Variants in PALLD observed in about 807,000 individuals in gnomAD.
PALLD encodes the protein palladin, cytoskeletal associated protein.
In PALLD, 61 loss-of-function variants were observed where a neutral mutation model predicts 123.5. That is an observed-to-expected ratio of 0.49 (90% CI 0.40 to 0.61). The LOEUF is 0.61. Ranked by LOEUF, PALLD falls within the 20% of genes least tolerant of loss-of-function variation. The pLI is 0.00. For synonymous variants in PALLD, 465 were observed against 496.4 expected (o/e 0.94, Z 0.84); for missense variants, 1,273 against 1,377.0 (o/e 0.92, Z 1.20).
chr4:168,695,857 T>G (rs1783081538), intron 8 of PALLD, among the ~76,000 whole-genome samples: 1 of 152,192 alleles, frequency 6.6e-6, no homozygotes, highest in South Asian at 2.1e-4. Context: ...TAGTTATGTC[T>G]TTTGGCTTAG....
chr4:168,582,479 T>C (rs1163067056), intron 2 of PALLD, among the ~76,000 whole-genome samples: 3 of 152,106 alleles, frequency 2.0e-5, no homozygotes, highest in Non-Finnish European at 4.4e-5. Context: ...CTAATTGCTC[T>C]GGCTAGGACC....
At chr4:168,886,692 T>A (rs1753379617) in intron 10 of PALLD, among the ~76,000 whole-genome samples, 1 of 152,188 alleles carries the variant, frequency 6.6e-6, no homozygotes, top group Non-Finnish European at 1.5e-5. Context: ...TGTTAATTGT[T>A]TAGAACCAAG....
chr4:168,500,081 G>A (rs1761237391), intron 1 of PALLD, among the ~76,000 whole-genome samples: 1 of 152,168 alleles, frequency 6.6e-6, no homozygotes, highest in Non-Finnish European at 1.5e-5. Context: ...TTTTTCTGCT[G>A]CAGTTGTGGG....
At chr4:168,808,387 G>A (rs1039086755) in intron 10 of PALLD, among the ~76,000 whole-genome samples, 9 of 152,034 alleles carry the variant, frequency 5.9e-5, no homozygotes, top group Non-Finnish European at 8.8e-5. Flanking sequence ...GGCTGAGGCA[G>A]GAGAATTGCT....
At chr4:168,815,414 G>T (rs560975573) in intron 10 of PALLD, among the ~76,000 whole-genome samples, 7 of 152,316 alleles carry the variant, frequency 4.6e-5, no homozygotes, top group African/African-American at 1.7e-4. Flanking sequence ...AAGTATATTT[G>T]TCACTTACAC....
chr4:168,667,929 T>C (rs1257946327), intron 2 of PALLD, among the ~76,000 whole-genome samples: 2 of 152,230 alleles, frequency 1.3e-5, no homozygotes, highest in African/African-American at 4.8e-5. Flanking sequence ...ATAACTGAAA[T>C]GGTCTTTCTG....
chr4:168,552,655 G>C (rs373552519), intron 2 of PALLD, among the ~76,000 whole-genome samples: 9 of 151,932 alleles, frequency 5.9e-5, no homozygotes, highest in African/African-American at 2.2e-4. Context: ...TTTTTGGGGG[G>C]TTTTCTTGTT....
At chr4:168,570,632 T>G (rs183172157) in intron 2 of PALLD, among the ~76,000 whole-genome samples, 1 of 152,274 alleles carries the variant, frequency 6.6e-6, no homozygotes, top group Admixed American at 6.5e-5. Context: ...GAAGCATCTG[T>G]AACATTTTAT....
At chr4:168,886,135 A>G in intron 10 of PALLD, among the ~76,000 whole-genome samples, 1 of 152,232 alleles carries the variant, frequency 6.6e-6, no homozygotes, top group East Asian at 1.9e-4. Flanking sequence ...GACTATCATG[A>G]TGAAGCTTTT....
At chr4:168,838,931 C>T (rs139306701) in intron 10 of PALLD, among the ~76,000 whole-genome samples, 1,533 of 152,118 alleles carry the variant, frequency 0.01, 14 homozygotes, top group Non-Finnish European at 0.017. Flanking sequence ...ATTCCCATAA[C>T]GGATTAAGTT....
chr4:168,695,661 C>G (rs1286256123), intron 8 of PALLD, among the ~76,000 whole-genome samples: 2 of 152,140 alleles, frequency 1.3e-5, no homozygotes, highest in Non-Finnish European at 2.9e-5. Flanking sequence ...CTCATCCAAT[C>G]TGATTCCAAG....
chr4:168,894,491 G>T, intron 11 of PALLD, 88 bp from the exon 12 acceptor site: 2 of 795,470 alleles, frequency 2.5e-6, no homozygotes, highest in Non-Finnish European at 2.2e-6. Flanking sequence ...AATCATGAAA[G>T]TGTGTTGTTT....
At chr4:168,880,028 G>A (rs1280451784) in intron 10 of PALLD, among the ~76,000 whole-genome samples, 1 of 152,204 alleles carries the variant, frequency 6.6e-6, no homozygotes, top group Non-Finnish European at 1.5e-5. Context: ...GAGGAGTACT[G>A]TGTAAATAAT....
intron 2 of PALLD, among the ~76,000 whole-genome samples, chr4:168,633,128 C>T (rs1201833043): frequency 1.3e-5 from 2 of 152,220 alleles, no homozygotes; most frequent in Admixed American, 1.3e-4. Context: ...ATCAGCCCTT[C>T]TCACACTTCC....
intron 10 of PALLD, among the ~76,000 whole-genome samples, chr4:168,811,413 G>A (rs1176613313): frequency 1.3e-5 from 2 of 152,154 alleles, no homozygotes; most frequent in Non-Finnish European, 2.9e-5. Context: ...ATAAGGAAGT[G>A]TATTTTTAAT....
intron 2 of PALLD, among the ~76,000 whole-genome samples, chr4:168,527,346 C>G (rs569160224): frequency 6.9e-6 from 1 of 144,526 alleles, no homozygotes; most frequent in Non-Finnish European, 1.5e-5. Context: ...CGCTTTAACC[C>G]GGGAGGCAGA....
At position 168,511,965 on chromosome 4, in the gene PALLD, C is replaced by T. The variant is rs536993034; in HGVS notation, c.461C>T (p.Pro154Leu). 4 of 1,614,160 alleles carry T rather than the reference C, an allele frequency of 2.5e-6. No individual in the cohort carries two copies. In the East Asian group the frequency reaches 8.9e-5, roughly 36 times the overall value. ...GAKTPSTNVK[P>L]KTPHQRKGGP... ...AAAACTCCCAGCACAAACGTAAAGC[C>T]CAAAACGCCACATCAAAGAAAGGGT... The change falls in exon 2 of 22, where the codon CCC becomes CTC. Residue 154 changes from proline to leucine, a missense_variant. Pro to Leu is a moderately conservative substitution (Grantham distance 98). This residue lies in a region of PALLD where 944 missense variants were observed against 954.5 expected (regional missense o/e 0.99). Transcript: ENST00000505667.
intron 10 of PALLD, among the ~76,000 whole-genome samples, chr4:168,735,331 C>G (rs1367096987): frequency 6.6e-6 from 1 of 152,184 alleles, no homozygotes; most frequent in East Asian, 1.9e-4. Flanking sequence ...ATCCCCCAAA[C>G]AGCATTTCCA....
chr4:168,878,408 G>T, intron 10 of PALLD: 1 of 1,471,104 alleles, frequency 6.8e-7, no homozygotes, highest in Admixed American at 2.4e-5. Context: ...AGTAACCGCC[G>T]CGGTCCTCCA....
Sources: gnomAD v4.1 joint callset for allele counts (sites outside exome capture counted in the v4.1 genomes callset) on GRCh38, gnomAD v4.1.1 for gene constraint, gnomAD v4.1.1 regional missense constraint, MANE v1.5 for transcripts, NCBI Gene and HGNC (gene_info 2026-07-23, HGNC 2026-07-21) for gene names.